The following TRIM33 variants were observed in gnomAD, a reference collection of about 807,000 sequenced individuals.
TRIM33 encodes E3 ubiquitin-protein ligase TRIM33.
TRIM33 carries 20 observed loss-of-function variants against 125.4 expected under a neutral mutation model. That is an observed-to-expected ratio of 0.16 (90% CI 0.11 to 0.23). TRIM33 has a LOEUF of 0.23. Ranked by LOEUF, TRIM33 falls within the 10% of genes least tolerant of loss-of-function variation. The probability of loss-of-function intolerance (pLI) is 1.00; values close to 1 mark genes in which losing one functional copy is unlikely to be tolerated. For missense variants in TRIM33, 920 were observed against 1,411.4 expected, an observed-to-expected ratio of 0.65 and a Z score of 5.58; for synonymous variants, 564 against 513.9, an observed-to-expected ratio of 1.10 and a Z score of -1.32.
chr1:114,442,815 T>C (rs1648737622), intron 4 of TRIM33, among the ~76,000 whole-genome samples: 1 of 151,884 alleles, frequency 6.6e-6, no homozygotes, highest in Admixed American at 6.6e-5. Flanking sequence ...CCTGGGATGA[T>C]TTACCAGTAT....
At position 114,394,473 on chromosome 1, in the gene TRIM33, A is replaced by G. The variant is rs1384345144; in HGVS notation, c.*3175T>C. The G allele has an allele frequency of 4.6e-6, 1 of 216,122 alleles. No individual in the cohort carries two copies. The highest frequency in any genetic ancestry group is 2.3e-5 in the African/African-American group (1 of 44,408). The allele number at this position is 216,122 out of a possible 1,614,324, so 13.4% of individuals were successfully genotyped here. On this transcript the variant is annotated 3_prime_UTR_variant, in exon 20 of 20. Coordinates refer to ENST00000358465, the MANE Select transcript of TRIM33 (RefSeq NM_015906.4). ...CTGCTGAGGTAATTGATAAATCTACAATTTGCACACTTATAAACCTTTTAC... is the reference window on the plus strand; with the variant it reads ...CTGCTGAGGTAATTGATAAATCTACGATTTGCACACTTATAAACCTTTTAC...
intron 1 of TRIM33, among the ~76,000 whole-genome samples, chr1:114,487,925 AAAAAAT>A (rs1201319754): frequency 1.3e-5 from 2 of 150,106 alleles, no homozygotes; most frequent in African/African-American, 4.9e-5. Flanking sequence ...AAAAAAAAAA[AAAAAAT>A]GAGAGTAAAT....
At chr1:114,479,002 T>G (rs1032104860) in intron 1 of TRIM33, among the ~76,000 whole-genome samples, 1 of 151,932 alleles carries the variant, frequency 6.6e-6, no homozygotes. Context: ...TGAGCCAAGG[T>G]TGCACCATTG....
At chr1:114,406,256 G>GT (rs1652237297) in intron 14 of TRIM33, among the ~76,000 whole-genome samples, 2 of 152,060 alleles carry the variant, frequency 1.3e-5, no homozygotes, top group Admixed American at 1.3e-4. Context: ...GGATGAAGAC[G>GT]TAACAATACT....
chr1:114,400,768 G>A (rs1651821994), intron 17 of TRIM33, among the ~76,000 whole-genome samples: 1 of 152,172 alleles, frequency 6.6e-6, no homozygotes, highest in Non-Finnish European at 1.5e-5. Flanking sequence ...GCAATAAAAT[G>A]TGTGTAGAAT....
chr1:114,482,562 G>A (rs558705427), intron 1 of TRIM33, among the ~76,000 whole-genome samples: 10 of 152,256 alleles, frequency 6.6e-5, no homozygotes, highest in Non-Finnish European at 1.3e-4. Flanking sequence ...TGAAATATAA[G>A]ACTTAACAAG....
intron 11 of TRIM33, among the ~76,000 whole-genome samples, chr1:114,420,809 C>G (rs1171476311): frequency 6.6e-6 from 1 of 152,156 alleles, no homozygotes; most frequent in Non-Finnish European, 1.5e-5. Flanking sequence ...TTTTGGAATT[C>G]TGAAATATAT....
At chr1:114,497,682 T>C (rs766539961) in intron 1 of TRIM33, among the ~76,000 whole-genome samples, 3 of 152,170 alleles carry the variant, frequency 2.0e-5, no homozygotes, top group Non-Finnish European at 4.4e-5. Flanking sequence ...TCACAGGTCA[T>C]ACAAAACCAT....
rs66490349 is a variant in TRIM33, at chr1:114,397,589, G to GTTTTTTTTTTTTTTTTT, written c.*58_*59insAAAAAAAAAAAAAAAAA. The GTTTTTTTTTTTTTTTTT allele has an allele frequency of 1.4e-5, 9 of 640,654 alleles. No individual in the cohort carries two copies. The highest frequency in any genetic ancestry group is 5.5e-5 in the African/African-American group (2 of 36,470). The allele number at this position is 640,654 out of a possible 1,614,324, so 39.7% of individuals were successfully genotyped here. The stretch of plus-strand genomic sequence containing the variant: ...CTTAAAAGTTTTCTGGGTTTTTTGT[G>GTTTTTTTTTTTTTTTTT]TTTTTTTTTTTTTTTTCGTTTTTTT... On this transcript the variant is annotated 3_prime_UTR_variant, in exon 20 of 20. Transcript: ENST00000358465.
chr1:114,477,588 T>C (rs756323264), intron 1 of TRIM33, among the ~76,000 whole-genome samples: 5 of 152,220 alleles, frequency 3.3e-5, no homozygotes, highest in Non-Finnish European at 5.9e-5. Flanking sequence ...TTTATACATA[T>C]AAAATGTGAC....
At chr1:114,413,708 T>C (rs1299316460) in intron 11 of TRIM33, among the ~76,000 whole-genome samples, 2 of 143,980 alleles carry the variant, frequency 1.4e-5, no homozygotes, top group Non-Finnish European at 3.0e-5. Flanking sequence ...TGGTATAATC[T>C]CATTTTCTGT....
intron 1 of TRIM33, among the ~76,000 whole-genome samples, chr1:114,485,600 C>A (rs1651633445): frequency 6.6e-6 from 1 of 152,016 alleles, no homozygotes; most frequent in African/African-American, 2.4e-5. Context: ...GAGTTGGTAC[C>A]CCACTTCATC....
chr1:114,425,869 G>C (rs373587600), intron 8 of TRIM33, 146 bp from the exon 9 acceptor site: 2 of 610,940 alleles, frequency 3.3e-6, no homozygotes, highest in African/African-American at 1.8e-5. Context: ...TCAGTTTAAA[G>C]ATGATGATGA....
intron 5 of TRIM33, among the ~76,000 whole-genome samples, chr1:114,432,011 TCA>T (rs1483336301): frequency 2.6e-5 from 4 of 152,204 alleles, no homozygotes; most frequent in African/African-American, 9.6e-5. Context: ...TACTGTATGT[TCA>T]GTTTTGAAGA....
In TRIM33 at chr1:114,392,882, T is replaced by C. The variant is rs1459695331; in HGVS notation, c.*4766A>G. 1 of 190,512 alleles carries C rather than the reference T, an allele frequency of 5.2e-6. No individual in the cohort carries two copies. Among genetic ancestry groups the C allele is most frequent in the Non-Finnish European group, 1.1e-5 (1 of 90,890 alleles). The allele number at this position is 190,512 out of a possible 1,614,324, so 11.8% of individuals were successfully genotyped here. A position where few individuals can be genotyped will look rare whatever the true frequency, so the allele number is the denominator to read the frequency against. On this transcript the variant is annotated 3_prime_UTR_variant, in exon 20 of 20. Coordinates refer to ENST00000358465, the MANE Select transcript of TRIM33 (RefSeq NM_015906.4). ...AATCTAATACAACTTCTACAACACA[T>C]TCCAGAGCATTATAACAAGAATTAT...
At chr1:114,449,651 A>G (rs547745465) in intron 4 of TRIM33, among the ~76,000 whole-genome samples, 2 of 151,526 alleles carry the variant, frequency 1.3e-5, no homozygotes, top group Non-Finnish European at 3.0e-5. Flanking sequence ...ATTGAAGAGT[A>G]AGAGAGTGTG....
At chr1:114,430,080 T>TA (rs909175881) in intron 6 of TRIM33, among the ~76,000 whole-genome samples, 16 of 151,966 alleles carry the variant, frequency 1.1e-4, no homozygotes, top group Non-Finnish European at 1.8e-4. Flanking sequence ...ACTATGGAAA[T>TA]ATTTTTAAAA....
chr1:114,472,721 GAAAACA>G (rs199504503), intron 1 of TRIM33, among the ~76,000 whole-genome samples: 1,553 of 152,126 alleles, frequency 0.01, 25 homozygotes, highest in African/African-American at 0.035. Flanking sequence ...TCTCAAAAAT[GAAAACA>G]AAAACAAAAA....
chr1:114,488,459 T>G (rs1045699102), intron 1 of TRIM33, among the ~76,000 whole-genome samples: 1 of 152,050 alleles, frequency 6.6e-6, no homozygotes, highest in African/African-American at 2.4e-5. Context: ...CACAATAATG[T>G]AAGTACATTA....
Sources: gnomAD v4.1 joint callset for allele counts (sites outside exome capture counted in the v4.1 genomes callset) on GRCh38, gnomAD v4.1.1 for gene constraint, MANE v1.5 for transcripts, NCBI Gene and HGNC (gene_info 2026-07-23, HGNC 2026-07-21) for gene names.